NIBAN1: variants seen among roughly 807,000 people sequenced by gnomAD.
The protein encoded by NIBAN1 is niban apoptosis regulator 1.
A neutral mutation model predicts 75.1 loss-of-function variants in NIBAN1; 81 were observed. The observed-to-expected ratio is 1.08, with a 90% CI of 0.90 to 1.30. The LOEUF (loss-of-function observed/expected upper bound fraction) is 1.30, where lower values mean the gene tolerates loss of function less well. NIBAN1 is among the 50% of genes most tolerant of loss of function. The pLI, the probability that NIBAN1 is intolerant of heterozygous loss-of-function variation, is 0.00. For synonymous variants in NIBAN1, 436 were observed against 424.8 expected (o/e 1.03, Z -0.32); for missense variants, 1,133 against 1,128.1 (o/e 1.00, Z -0.06).
chr1:184,822,420 T>C (rs1654728368), intron 8 of NIBAN1, among the ~76,000 whole-genome samples: 1 of 152,220 alleles, frequency 6.6e-6, no homozygotes. Flanking sequence ...TTCACTTCTG[T>C]TGTAGCACAA....
chr1:184,831,018 T>G (rs1405691440), intron 6 of NIBAN1, among the ~76,000 whole-genome samples: 3 of 149,018 alleles, frequency 2.0e-5, no homozygotes, highest in South Asian at 2.1e-4. Context: ...AAAATAGCAT[T>G]CTTAAATACC....
chr1:184,935,344 A>G (rs533970293), intron 1 of NIBAN1, among the ~76,000 whole-genome samples: 2 of 152,158 alleles, frequency 1.3e-5, no homozygotes, highest in African/African-American at 4.8e-5. Flanking sequence ...TGTCTATACA[A>G]AAAATAAAAA....
intron 1 of NIBAN1, among the ~76,000 whole-genome samples, chr1:184,925,370 T>C (rs893030973): frequency 6.6e-6 from 1 of 152,156 alleles, no homozygotes; most frequent in African/African-American, 2.4e-5. Context: ...TCAGCCATTC[T>C]ATGTCTTTTG....
chr1:184,950,187 A>T (rs1428841562), intron 1 of NIBAN1, among the ~76,000 whole-genome samples: 1 of 152,030 alleles, frequency 6.6e-6, no homozygotes, highest in East Asian at 1.9e-4. Flanking sequence ...GTTAATTTAG[A>T]TGCAGATAAT....
Position 184,795,545 on chromosome 1 carries a change from A to G in NIBAN1, c.2219T>C (p.Val740Ala), listed in dbSNP as rs758646793. 1.2e-5 allele frequency: 19 copies of G among 1,613,986 alleles called. No homozygotes were observed. The highest frequency in any genetic ancestry group is 1.4e-5 in the Non-Finnish European group (17 of 1,180,028). Residue 740 changes from valine (V) to alanine (A), a missense_variant, in exon 14 of 14, where the codon GTT (valine) becomes GCT (alanine). By Grantham distance (64) the Val-to-Ala change is moderately conservative. Coordinates refer to ENST00000367511, the MANE Select transcript of NIBAN1 (RefSeq NM_052966.4). ...MEEDTNGESH[V>A]PQENEEEEEK... is the part of the protein sequence containing the mutation. ...CTCTTCTTCTTCATTTTCTTGGGGAACGTGGCTCTCCCCATTCGTATCTTC... is the reference window on the plus strand; with the variant it reads ...CTCTTCTTCTTCATTTTCTTGGGGAGCGTGGCTCTCCCCATTCGTATCTTC...
chr1:184,899,772 G>A (rs1656898013), intron 1 of NIBAN1, among the ~76,000 whole-genome samples: 1 of 149,344 alleles, frequency 6.7e-6, no homozygotes, highest in African/African-American at 2.5e-5. Context: ...GATAATCCCA[G>A]GTCTATGCCT....
chr1:184,809,852 G>A (rs940331442), intron 9 of NIBAN1, among the ~76,000 whole-genome samples: 4 of 152,002 alleles, frequency 2.6e-5, no homozygotes, highest in South Asian at 2.1e-4. Context: ...ACAGTTTCAT[G>A]GGGTATTTTT....
At chr1:184,974,241 C>A (rs1659015722) in intron 1 of NIBAN1, 61 bp downstream of exon 1, 1 of 1,427,634 alleles carries the variant, frequency 7.0e-7, no homozygotes. Flanking sequence ...GCCCCGACCG[C>A]GGCAGCCAGC....
chr1:184,823,228 C>T lies in NIBAN1; in HGVS notation c.924G>A (p.Thr308=), dbSNP rs755276252. 7.4e-6 allele frequency: 12 copies of T among 1,614,088 alleles called. No homozygotes were observed. Among genetic ancestry groups the T allele is most frequent in the Admixed American group, 6.7e-5 (4 of 60,010 alleles). ...CRALTKGLEG[T]IRSDMDQIVN... ...CAATCTGATCCATGTCAGAACGGAT[C>T]GTTCCTTCCAGGCCCTTTGTCAGAG... The change falls in exon 8 of 14, where the codon ACG becomes ACA. Residue 308 remains threonine, a synonymous_variant. Transcript: ENST00000367511.
chr1:184,875,581 T>C (rs566266062), intron 5 of NIBAN1, among the ~76,000 whole-genome samples: 1 of 152,326 alleles, frequency 6.6e-6, no homozygotes, highest in South Asian at 2.1e-4. Flanking sequence ...TGACCTATTC[T>C]TGAAAGTCAC....
chr1:184,935,635 A>G (rs1168941353), intron 1 of NIBAN1, among the ~76,000 whole-genome samples: 1 of 152,166 alleles, frequency 6.6e-6, no homozygotes, highest in Non-Finnish European at 1.5e-5. Context: ...AAATGTGAAA[A>G]TAAAAGGGGG....
chr1:184,890,586 G>A lies in NIBAN1; in HGVS notation c.319-364C>T, dbSNP rs187139661. Among the ~76,000 whole-genome samples, 205 of 152,308 alleles carry A rather than the reference G, an allele frequency of 1.3e-3. 2 individuals carry two copies. The highest frequency in any genetic ancestry group is 2.6e-4 in the Non-Finnish European group (18 of 68,028). On this transcript the variant is annotated intron_variant, in intron 3 of 13. Coordinates refer to ENST00000367511, the MANE Select transcript of NIBAN1 (RefSeq NM_052966.4). ...TCATTCTGATAATAACCACAAAGGT[G>A]ACGATCACACAAATACTGCACAGAA...
intron 12 of NIBAN1, 128 bp downstream of exon 12, chr1:184,803,457 C>A: frequency 8.9e-6 from 6 of 677,544 alleles, no homozygotes; most frequent in South Asian, 1.8e-5. Context: ...ACTATCTGAC[C>A]ATTTACAAAA....
chr1:184,840,049 T>A (rs533476021), intron 5 of NIBAN1, among the ~76,000 whole-genome samples: 1 of 152,226 alleles, frequency 6.6e-6, no homozygotes, highest in South Asian at 2.1e-4. Context: ...TAGGGTGTGA[T>A]ATGGCATTAC....
At chr1:184,929,979 G>A (rs1557918671) in intron 1 of NIBAN1, among the ~76,000 whole-genome samples, 1 of 152,102 alleles carries the variant, frequency 6.6e-6, no homozygotes, top group South Asian at 2.1e-4. Flanking sequence ...AACAGGAATC[G>A]AGAACCCTTC....
At position 184,796,051 on chromosome 1, in the gene NIBAN1, A is replaced by ACTG; in HGVS notation, c.1712_1713insCAG (p.Asp571_Asn572insSer). The ACTG allele has an allele frequency of 6.3e-7, 1 of 1,582,932 alleles. No homozygotes were observed. The highest frequency in any genetic ancestry group is 8.6e-7 in the Non-Finnish European group (1 of 1,167,420). ...CACTTTCACTGGGCAAGGCCATGTT[A>ACTG]TCTTCAAATAAGTTGTGTTTCTTCA... On this transcript the variant is annotated inframe_insertion, in exon 14 of 14. Transcript: ENST00000367511.
Position 184,974,413 on chromosome 1 carries a change from C to T in NIBAN1, c.-57G>A. 2 of 1,523,782 alleles carry T rather than the reference C, an allele frequency of 1.3e-6. No homozygotes were observed. The highest frequency in any genetic ancestry group is 1.2e-5 in the South Asian group (1 of 82,750). The allele number at this position is 1,523,782 out of a possible 1,614,324, so 94.4% of individuals were successfully genotyped here. Reference sequence around the variant, plus strand: ...CTGCCCGGTCCGCGCCCGCTGCTAGCTCCTGGAGGTTGATCCGACGGCGAA... The same window carrying T: ...CTGCCCGGTCCGCGCCCGCTGCTAGTTCCTGGAGGTTGATCCGACGGCGAA... On this transcript the variant is annotated 5_prime_UTR_variant, in exon 1 of 14. Transcript: ENST00000367511.
chr1:184,937,335 C>T (rs1657989740), intron 1 of NIBAN1, among the ~76,000 whole-genome samples: 1 of 151,792 alleles, frequency 6.6e-6, no homozygotes, highest in African/African-American at 2.4e-5. Flanking sequence ...CCCTTAGTAG[C>T]TAATCCTAAA....
At chr1:184,929,751 C>T (rs1478719415) in intron 1 of NIBAN1, among the ~76,000 whole-genome samples, 2 of 152,254 alleles carry the variant, frequency 1.3e-5, no homozygotes, top group East Asian at 3.9e-4. Context: ...TAGCTAATTG[C>T]ATCAGCTCCA....
Sources: gnomAD v4.1 joint callset for allele counts (sites outside exome capture counted in the v4.1 genomes callset) on GRCh38, gnomAD v4.1.1 for gene constraint, MANE v1.5 for transcripts, NCBI Gene and HGNC (gene_info 2026-07-23, HGNC 2026-07-21) for gene names.